Variants in RNFT1 observed in about 807,000 individuals in gnomAD.
RNFT1 encodes ring finger protein, transmembrane 1, also known as E3 ubiquitin-protein ligase RNFT1.
In RNFT1, 35 loss-of-function variants were observed where a neutral mutation model predicts 53.2. The observed-to-expected ratio is 0.66, with a 90% CI of 0.50 to 0.87. The LOEUF (loss-of-function observed/expected upper bound fraction) is 0.87. Among genes scored for constraint, RNFT1 ranks in the 40% least tolerant of loss-of-function variants. The pLI, the probability that RNFT1 is intolerant of heterozygous loss-of-function variation, is 0.00. For missense variants in RNFT1, 421 were observed against 515.0 expected, an observed-to-expected ratio of 0.82 and a Z score of 1.77; for synonymous variants, 141 against 172.8, an observed-to-expected ratio of 0.82 and a Z score of 1.44.
At chr17:59,963,551 C>T (rs1361728386) in intron 1 of RNFT1, among the ~76,000 whole-genome samples, 1 of 152,006 alleles carries the variant, frequency 6.6e-6, no homozygotes, top group Non-Finnish European at 1.5e-5. Flanking sequence ...AGAAGGCATC[C>T]GCAAAACAGT....
chr17:59,962,980 T>G lies in RNFT1; in HGVS notation c.361A>C (p.Ser121Arg). 1.9e-6 allele frequency: 3 copies of G among 1,614,264 alleles called. No homozygotes were observed. Among genetic ancestry groups the G allele is most frequent in the Non-Finnish European group, 2.5e-6 (3 of 1,180,050 alleles). Residue 121 changes from serine (S) to arginine (R), a missense_variant, in exon 2 of 9, where the codon AGT becomes CGT. Physicochemically the swap from Ser to Arg is moderately radical, Grantham distance 110 (BLOSUM62 -1). Transcript: ENST00000305783. ...GTATCATCAGTCAGCCTTGCTTCAC[T>G]GTGGGAGTGACCCCGTAAGCGACTG... ...VHSRLRGHSH[S>R]EARLTDDTAA...
intron 7 of RNFT1, 39 bp downstream of exon 7, chr17:59,956,449 A>T: frequency 1.4e-6 from 2 of 1,435,964 alleles, no homozygotes; most frequent in South Asian, 2.4e-5. Context: ...CAGTGAAGAA[A>T]GGTGAAGGTG....
intron 7 of RNFT1, 88 bp from the exon 8 acceptor site, chr17:59,954,234 TC>T (rs1461816861): frequency 5.6e-6 from 5 of 900,882 alleles, no homozygotes; most frequent in Non-Finnish European, 8.6e-6. Flanking sequence ...TTCTCAAATC[TC>T]CCTGGAACCA....
At chr17:59,960,817 A>G (rs1257076736) in intron 3 of RNFT1, among the ~76,000 whole-genome samples, 1 of 152,134 alleles carries the variant, frequency 6.6e-6, no homozygotes, top group Non-Finnish European at 1.5e-5. Flanking sequence ...CGTCTCAGAA[A>G]AAAAATGGAC....
intron 8 of RNFT1, among the ~76,000 whole-genome samples, chr17:59,953,366 A>G (rs1201531985): frequency 1.3e-5 from 2 of 151,942 alleles, no homozygotes; most frequent in East Asian, 1.9e-4. Context: ...ATGCCCAGCT[A>G]GTTTTTTTAT....
intron 7 of RNFT1, among the ~76,000 whole-genome samples, chr17:59,954,524 T>C (rs2045242127): frequency 6.6e-6 from 1 of 152,188 alleles, no homozygotes. Context: ...CAGCAGTGGT[T>C]CATAAAGTCA....
chr17:59,962,876 A>G lies in RNFT1; in HGVS notation c.465T>C (p.Leu155=), dbSNP rs1325806066. 1.2e-6 allele frequency: 2 copies of G among 1,613,924 alleles called. No homozygotes were observed. The highest frequency in any genetic ancestry group is 3.3e-5 in the Admixed American group (2 of 60,018). Reference sequence around the variant, plus strand: ...TGACGCTCAGAATCAAAATATATGGAAGACTTTTTTGCAGCCACTTGAAGA... The same window carrying G: ...TGACGCTCAGAATCAAAATATATGGGAGACTTTTTTGCAGCCACTTGAAGA... ...RYLFKWLQKS[L]PYILILSVKL... Residue 155 remains leucine, a synonymous_variant, in exon 2 of 9, where the codon CTT becomes CTC. Transcript: ENST00000305783.
intron 3 of RNFT1, 35 bp downstream of exon 3, chr17:59,962,505 C>A: frequency 7.7e-7 from 1 of 1,299,514 alleles, no homozygotes; most frequent in African/African-American, 1.5e-5. Context: ...TGGAGAGAAA[C>A]AGTTAATAAT....
In RNFT1 at chr17:59,952,858, A is replaced by C; in HGVS notation, c.*119T>G. 2 of 924,604 alleles carry C rather than the reference A, an allele frequency of 2.2e-6. No homozygotes were observed. Among genetic ancestry groups the C allele is most frequent in the Non-Finnish European group, 3.2e-6 (2 of 628,862 alleles). 57.3% of individuals were successfully genotyped at this position (924,604 alleles called of 1,614,324 possible). ...TGGTGAATTGGATCATAAGTCCTAC[A>C]TTCTAAAACCATCTGGAAACATTTT... On this transcript the variant is annotated 3_prime_UTR_variant, in exon 9 of 9. Coordinates refer to ENST00000305783, the MANE Select transcript of RNFT1 (RefSeq NM_016125.4).
At chr17:59,953,190 CTTT>C (rs34068842) in intron 8 of RNFT1, 79 bp from the exon 9 acceptor site, 6,985 of 767,666 alleles carry the variant, frequency 9.1e-3, no homozygotes, top group South Asian at 0.014. Context: ...GAAAGGGATT[CTTT>C]TTTTTTTTTT....
intron 5 of RNFT1, among the ~76,000 whole-genome samples, chr17:59,957,987 T>C (rs2045264601): frequency 6.6e-6 from 1 of 152,220 alleles, no homozygotes; most frequent in Non-Finnish European, 1.5e-5. Context: ...TAATTGTACA[T>C]AGTCAACTGT....
intron 7 of RNFT1, among the ~76,000 whole-genome samples, chr17:59,955,026 T>C (rs1487453863): frequency 6.6e-6 from 1 of 152,132 alleles, no homozygotes; most frequent in Non-Finnish European, 1.5e-5. Flanking sequence ...GAAACCTGCT[T>C]TCTGTAGAAA....
intron 8 of RNFT1, 59 bp downstream of exon 8, chr17:59,953,986 C>T: frequency 9.5e-7 from 1 of 1,052,440 alleles, no homozygotes; most frequent in Non-Finnish European, 1.4e-6. Flanking sequence ...ATAAATTTGA[C>T]TTTTGCAAGT....
intron 6 of RNFT1, 64 bp downstream of exon 6, chr17:59,957,159 CA>C: frequency 6.8e-7 from 1 of 1,463,834 alleles, no homozygotes; most frequent in Non-Finnish European, 9.3e-7. Flanking sequence ...AAGAGGAAAA[CA>C]GTAGTATGTA....
At chr17:59,953,917 A>C (rs1598862302) in intron 8 of RNFT1, 128 bp downstream of exon 8, 2 of 596,418 alleles carry the variant, frequency 3.4e-6, no homozygotes, top group Non-Finnish European at 5.9e-6. Context: ...ACTAGTATGT[A>C]CCCTGAATGC....
At chr17:59,956,298 A>G (rs2045253860) in intron 7 of RNFT1, among the ~76,000 whole-genome samples, 190 bp downstream of exon 7, 1 of 152,250 alleles carries the variant, frequency 6.6e-6, no homozygotes, top group Non-Finnish European at 1.5e-5. Flanking sequence ...GTGTGATTCA[A>G]GAATCTGATC....
intron 7 of RNFT1, 143 bp from the exon 8 acceptor site, chr17:59,954,289 G>A: frequency 4.8e-6 from 3 of 620,800 alleles, no homozygotes; most frequent in South Asian, 4.2e-5. Context: ...TCTCAAAGCT[G>A]AGCCATATAC....
At position 59,953,108 on chromosome 17, in the gene RNFT1, T is replaced by C. The variant is rs146980146; in HGVS notation, c.1177A>G (p.Ile393Val). Residue 393 changes from isoleucine to valine, a missense_variant, in exon 9 of 9, where the codon ATA (isoleucine) becomes GTA (valine). Ile to Val is a conservative substitution (Grantham distance 29, BLOSUM62 3). Transcript: ENST00000305783. ...AAGGTCATGCACTCTTCACAAAATA[T>C]ATGCTGTAATGGAATTAAGAATTAG... is the stretch of plus-strand genomic sequence containing the variant. The part of the protein sequence containing the change: ...QKPILLICQH[I>V]FCEECMTLWF... The C allele has an allele frequency of 3.9e-4, 616 of 1,599,460 alleles. 3 individuals are homozygous for C. The highest frequency in any genetic ancestry group is 3.5e-3 in the African/African-American group (264 of 74,674).
chr17:59,957,131 A>G lies in RNFT1; in HGVS notation c.1005+93T>C, dbSNP rs1306903846. On this transcript the variant is annotated intron_variant, in intron 6 of 8. Coordinates refer to ENST00000305783, the MANE Select transcript of RNFT1 (RefSeq NM_016125.4). Reference sequence around the variant, plus strand: ...TACTTCAAACTAGTGATATGAAGATAAACTATAAAACTGTTAAAAGAGGAA... The same window carrying G: ...TACTTCAAACTAGTGATATGAAGATGAACTATAAAACTGTTAAAAGAGGAA... The G allele has an allele frequency of 9.6e-6, 12 of 1,249,996 alleles. No homozygotes were observed. In the East Asian group the frequency reaches 2.7e-4, roughly 29 times the overall value. The allele number at this position is 1,249,996 out of a possible 1,614,324, so 77.4% of individuals were successfully genotyped here.
Sources: gnomAD v4.1 joint callset for allele counts (sites outside exome capture counted in the v4.1 genomes callset) on GRCh38, gnomAD v4.1.1 for gene constraint, MANE v1.5 for transcripts, NCBI Gene and HGNC (gene_info 2026-07-23, HGNC 2026-07-21) for gene names.